The following UNC5D variants were observed in gnomAD, a reference collection of about 807,000 sequenced individuals.
The protein encoded by UNC5D is netrin receptor UNC5D.
In UNC5D, 39 loss-of-function variants were observed where a neutral mutation model predicts 105.4. The observed-to-expected ratio is 0.37, with a 90% confidence interval of 0.29 to 0.48. The LOEUF (loss-of-function observed/expected upper bound fraction) is 0.48, where lower values mean the gene tolerates loss of function less well. UNC5D is among the 20% of genes least tolerant of loss of function. The probability of loss-of-function intolerance (pLI) is 0.98; values close to 1 mark genes in which losing one functional copy is unlikely to be tolerated. For synonymous variants in UNC5D, 452 were observed against 450.4 expected (o/e 1.00, Z -0.04); for missense variants, 991 against 1,202.4 (o/e 0.82, Z 2.60).
intron 1 of UNC5D, among the ~76,000 whole-genome samples, chr8:35,477,445 G>T (rs1810184407): frequency 6.6e-6 from 1 of 151,338 alleles, no homozygotes; most frequent in East Asian, 1.9e-4. Context: ...ATCAACCTCT[G>T]GTTTCTTTTT....
chr8:35,550,534 T>A (rs1261630856), intron 2 of UNC5D, among the ~76,000 whole-genome samples: 1 of 152,168 alleles, frequency 6.6e-6, no homozygotes, highest in Non-Finnish European at 1.5e-5. Context: ...ATCAGCCTAA[T>A]TTATTAACTA....
chr8:35,391,723 A>G (rs1005221178), intron 1 of UNC5D, among the ~76,000 whole-genome samples: 1 of 152,184 alleles, frequency 6.6e-6, no homozygotes, highest in Non-Finnish European at 1.5e-5. Context: ...TATAATTTAA[A>G]AAGCCTGGGG....
Position 35,748,579 on chromosome 8 carries a change from C to T in UNC5D, c.1819C>T (p.Pro607Ser). Reference sequence around the variant, plus strand: ...CCTGAGTCCTGAAGTCACCTGTGGTCCTCCAGACATGATCGTCACCACTCC... The same window carrying T: ...CCTGAGTCCTGAAGTCACCTGTGGTTCTCCAGACATGATCGTCACCACTCC... ...VLLSPEVTCG[P>S]PDMIVTTPFA... The change falls in exon 12 of 17, where the codon CCT becomes TCT. Residue 607 changes from proline to serine, a missense_variant. By Grantham distance (74) the Pro-to-Ser change is moderately conservative (BLOSUM62 -1). Transcript: ENST00000404895. The T allele has an allele frequency of 2.5e-6, 4 of 1,614,040 alleles. No homozygotes were observed. The East Asian group carries it at 8.9e-5, about 36-fold the overall frequency.
At chr8:35,575,251 C>T (rs570924767) in intron 3 of UNC5D, among the ~76,000 whole-genome samples, 5 of 152,118 alleles carry the variant, frequency 3.3e-5, no homozygotes, top group Non-Finnish European at 7.3e-5. Flanking sequence ...ACTCCTTAGC[C>T]TAGTACACAA....
At chr8:35,513,131 G>A (rs1441430865) in intron 1 of UNC5D, among the ~76,000 whole-genome samples, 1 of 151,720 alleles carries the variant, frequency 6.6e-6, no homozygotes, top group East Asian at 1.9e-4. Context: ...CTGGGACTTC[G>A]CACTTGCTAT....
chr8:35,570,849 T>G (rs1433305371), intron 3 of UNC5D, among the ~76,000 whole-genome samples: 1 of 151,692 alleles, frequency 6.6e-6, no homozygotes, highest in Non-Finnish European at 1.5e-5. Context: ...TCCCAGCTAC[T>G]CGGGAGGCTG....
chr8:35,440,434 T>C (rs1807322028), intron 1 of UNC5D, among the ~76,000 whole-genome samples: 1 of 151,974 alleles, frequency 6.6e-6, no homozygotes, highest in Non-Finnish European at 1.5e-5. Flanking sequence ...ACATGAATTT[T>C]AAGCTTTTTT....
intron 3 of UNC5D, among the ~76,000 whole-genome samples, chr8:35,580,496 G>A (rs1563556032): frequency 6.6e-6 from 1 of 151,910 alleles, no homozygotes; most frequent in Non-Finnish European, 1.5e-5. Context: ...GTGAAAATCT[G>A]TAAATGGTCA....
At position 35,796,205 on chromosome 8, in the gene UNC5D, G is replaced by A. The variant is rs1037725990; in HGVS notation, c.*5642G>A. 4 of 152,068 alleles carry A rather than the reference G, an allele frequency of 2.6e-5. No homozygotes were observed. Among genetic ancestry groups the A allele is most frequent in the African/African-American group, 9.7e-5 (4 of 41,404 alleles). The allele number at this position is 152,068 out of a possible 1,614,324, so 9.4% of individuals were successfully genotyped here. On this transcript the variant is annotated 3_prime_UTR_variant, in exon 17 of 17. Coordinates refer to ENST00000404895, the MANE Select transcript of UNC5D (RefSeq NM_080872.4). ...GAGGAGAGAGGTTGAATGAAGCATA[G>A]CCTTGGCTTCATACCACACTTTTTG...
Position 35,791,827 on chromosome 8 carries a change from GA to G in UNC5D, c.*1265del, listed in dbSNP as rs1803057979. 6.6e-6 allele frequency: 1 copy of G among 151,930 alleles called. No individual in the cohort carries two copies. The highest frequency in any genetic ancestry group is 2.4e-5 in the African/African-American group (1 of 41,442). The allele number at this position is 151,930 out of a possible 1,614,324, so 9.4% of individuals were successfully genotyped here. A position where few individuals can be genotyped will look rare whatever the true frequency, so the allele number is the denominator to read the frequency against. On this transcript the variant is annotated 3_prime_UTR_variant, in exon 17 of 17. Transcript: ENST00000404895. ...CACTAACATATGGCTATTGCTCTATGATTTTTTTTTTTACATTAGGAGGCAG... is the reference window on the plus strand; with the variant it reads ...CACTAACATATGGCTATTGCTCTATGTTTTTTTTTTTACATTAGGAGGCAG...
intron 10 of UNC5D, among the ~76,000 whole-genome samples, chr8:35,728,952 T>C (rs1161040022): frequency 6.6e-6 from 1 of 152,186 alleles, no homozygotes; most frequent in Non-Finnish European, 1.5e-5. Context: ...TGTCCCACAG[T>C]ATCTCTCATT....
At chr8:35,492,898 C>G (rs1469841995) in intron 1 of UNC5D, among the ~76,000 whole-genome samples, 1 of 152,152 alleles carries the variant, frequency 6.6e-6, no homozygotes, top group Non-Finnish European at 1.5e-5. Flanking sequence ...CCTAGGTAAT[C>G]TTTCAGAGCT....
intron 1 of UNC5D, among the ~76,000 whole-genome samples, chr8:35,266,843 C>T (rs1405418852): frequency 1.3e-5 from 2 of 152,144 alleles, no homozygotes; most frequent in African/African-American, 4.8e-5. Flanking sequence ...TTTAGCTTTT[C>T]ATGGCATGGC....
intron 1 of UNC5D, among the ~76,000 whole-genome samples, chr8:35,287,125 A>G (rs1227977997): frequency 6.6e-6 from 1 of 152,212 alleles, no homozygotes; most frequent in African/African-American, 2.4e-5. Flanking sequence ...ACTAAATGGT[A>G]AAGATCTATA....
chr8:35,296,821 A>G (rs908281319), intron 1 of UNC5D, among the ~76,000 whole-genome samples: 1 of 152,178 alleles, frequency 6.6e-6, no homozygotes, highest in Non-Finnish European at 1.5e-5. Flanking sequence ...CAAAATAAAT[A>G]TATCACCCCT....
intron 8 of UNC5D, among the ~76,000 whole-genome samples, chr8:35,712,672 C>T (rs942180555): frequency 6.6e-6 from 1 of 152,180 alleles, no homozygotes; most frequent in Non-Finnish European, 1.5e-5. Context: ...TCTTTATGAT[C>T]TTCACCAGGT....
intron 8 of UNC5D, among the ~76,000 whole-genome samples, chr8:35,709,671 C>T (rs908806325): frequency 6.6e-6 from 1 of 152,074 alleles, no homozygotes; most frequent in Admixed American, 6.6e-5. Context: ...GCCTGGGCAA[C>T]AGAGCAAGAC....
At chr8:35,600,816 T>G (rs1819821428) in intron 4 of UNC5D, among the ~76,000 whole-genome samples, 1 of 152,218 alleles carries the variant, frequency 6.6e-6, no homozygotes, top group South Asian at 2.1e-4. Context: ...AGATCCCATT[T>G]GTCAATTTTG....
intron 1 of UNC5D, among the ~76,000 whole-genome samples, chr8:35,474,625 C>A (rs1016881321): frequency 6.6e-6 from 1 of 152,174 alleles, no homozygotes; most frequent in Non-Finnish European, 1.5e-5. Flanking sequence ...GCCTCAGCAA[C>A]CTTGGAGGCC....
Sources: allele counts gnomAD v4.1 joint callset (sites outside exome capture counted in the v4.1 genomes callset), GRCh38; gene constraint gnomAD v4.1.1; transcripts MANE v1.5; gene names NCBI Gene and HGNC (gene_info 2026-07-23, HGNC 2026-07-21).